Variants in NT5DC1 observed in about 807,000 individuals in gnomAD.
NT5DC1 encodes the protein 5'-nucleotidase domain containing 1.
A neutral mutation model predicts 59.4 loss-of-function variants in NT5DC1; 42 were observed. The observed-to-expected ratio is 0.71, with a 90% CI of 0.55 to 0.92. The LOEUF is 0.92. Ranked by LOEUF, NT5DC1 falls within the 40% of genes least tolerant of loss-of-function variation. The pLI is 0.00. For missense variants in NT5DC1, 501 were observed against 537.1 expected (o/e 0.93, Z 0.66); for synonymous variants, 172 against 188.1 (o/e 0.91, Z 0.70).
intron 6 of NT5DC1, among the ~76,000 whole-genome samples, chr6:116,146,098 T>A (rs1001304286): frequency 1.3e-5 from 2 of 152,224 alleles, no homozygotes; most frequent in Admixed American, 6.5e-5. Context: ...GCCTGACTTG[T>A]TGATTATGGT....
At chr6:116,122,612 G>A (rs892331507) in intron 6 of NT5DC1, among the ~76,000 whole-genome samples, 3 of 152,314 alleles carry the variant, frequency 2.0e-5, no homozygotes, top group South Asian at 2.1e-4. Flanking sequence ...ATTTCATAGA[G>A]CTGTGAGTTC....
At chr6:116,241,163 A>G (rs1771708026) in intron 11 of NT5DC1, among the ~76,000 whole-genome samples, 1 of 152,002 alleles carries the variant, frequency 6.6e-6, no homozygotes, top group East Asian at 1.9e-4. Context: ...AAAAAAAGTA[A>G]AATATTTTTA....
intron 6 of NT5DC1, among the ~76,000 whole-genome samples, chr6:116,178,974 A>C (rs922055070): frequency 6.6e-6 from 1 of 152,218 alleles, no homozygotes; most frequent in South Asian, 2.1e-4. Context: ...GTAGAAAGAA[A>C]AGATTATTCT....
At chr6:116,154,026 T>TCCG (rs1780118677) in intron 6 of NT5DC1, among the ~76,000 whole-genome samples, 1 of 147,710 alleles carries the variant, frequency 6.8e-6, no homozygotes, top group African/African-American at 2.5e-5. Context: ...AAAGGGAAGA[T>TCCG]TTCTTTTTTT....
At chr6:116,111,042 C>A (rs764684776) in intron 4 of NT5DC1, 86 bp downstream of exon 4, 60 of 883,586 alleles carry the variant, frequency 6.8e-5, no homozygotes, top group Non-Finnish European at 9.1e-5. Context: ...AGAAGACCCC[C>A]CTTTCCCCTG....
At chr6:116,135,890 T>G in intron 6 of NT5DC1, among the ~76,000 whole-genome samples, 1 of 141,184 alleles carries the variant, frequency 7.1e-6, no homozygotes, top group Admixed American at 7.1e-5. Flanking sequence ...TACACACACA[T>G]TGCTAAATGG....
At chr6:116,187,175 G>A (rs1781019036) in intron 6 of NT5DC1, among the ~76,000 whole-genome samples, 1 of 152,024 alleles carries the variant, frequency 6.6e-6, no homozygotes, top group African/African-American at 2.4e-5. Context: ...CTTTGATCTG[G>A]TACTGGGAAG....
At chr6:116,114,175 A>G (rs1017258058) in intron 4 of NT5DC1, among the ~76,000 whole-genome samples, 3 of 152,224 alleles carry the variant, frequency 2.0e-5, no homozygotes, top group East Asian at 1.9e-4. Flanking sequence ...GGAAGACTAT[A>G]TCAACCAAAA....
intron 8 of NT5DC1, among the ~76,000 whole-genome samples, chr6:116,233,665 G>T (rs1479087852): frequency 2.0e-5 from 3 of 152,138 alleles, no homozygotes; most frequent in Non-Finnish European, 4.4e-5. Context: ...GTGCATTCTT[G>T]TCCTGGCTCT....
intron 6 of NT5DC1, among the ~76,000 whole-genome samples, chr6:116,160,284 A>C (rs1162304709): frequency 6.6e-6 from 1 of 151,880 alleles, no homozygotes; most frequent in African/African-American, 2.4e-5. Flanking sequence ...TCTGTTATCT[A>C]TTGGCTTTTT....
At chr6:116,206,612 C>T (rs1781457247) in intron 6 of NT5DC1, among the ~76,000 whole-genome samples, 1 of 152,014 alleles carries the variant, frequency 6.6e-6, no homozygotes, top group African/African-American at 2.4e-5. Context: ...ACAGCAACAG[C>T]TGTTTCTTAA....
At chr6:116,212,779 A>G (rs1268937915) in intron 6 of NT5DC1, among the ~76,000 whole-genome samples, 1 of 152,112 alleles carries the variant, frequency 6.6e-6, no homozygotes, top group Non-Finnish European at 1.5e-5. Flanking sequence ...TATTATTTTC[A>G]GTTTCTAAGC....
chr6:116,112,760 G>A (rs965344881), intron 4 of NT5DC1, among the ~76,000 whole-genome samples: 1 of 152,178 alleles, frequency 6.6e-6, no homozygotes, highest in South Asian at 2.1e-4. Flanking sequence ...CATATATCTA[G>A]GATAAACTCC....
intron 3 of NT5DC1, 68 bp from the exon 4 acceptor site, chr6:116,110,782 C>A: frequency 8.9e-7 from 1 of 1,120,024 alleles, no homozygotes; most frequent in South Asian, 1.2e-5. Flanking sequence ...GATCAACAGT[C>A]ACAATGATAG....
intron 3 of NT5DC1, among the ~76,000 whole-genome samples, chr6:116,108,807 A>G (rs1778812342): frequency 6.6e-6 from 1 of 152,216 alleles, no homozygotes; most frequent in African/African-American, 2.4e-5. Flanking sequence ...TAAGAAAGAA[A>G]GAATGGGTAT....
At chr6:116,154,823 G>T (rs539840822) in intron 6 of NT5DC1, among the ~76,000 whole-genome samples, 1 of 152,108 alleles carries the variant, frequency 6.6e-6, no homozygotes, top group Non-Finnish European at 1.5e-5. Flanking sequence ...GAGGCATCTT[G>T]TTACTTTCTT....
At chr6:116,129,373 A>G (rs909195531) in intron 6 of NT5DC1, among the ~76,000 whole-genome samples, 4 of 152,184 alleles carry the variant, frequency 2.6e-5, no homozygotes, top group Non-Finnish European at 5.9e-5. Flanking sequence ...CCCAAAGTTC[A>G]TGTGTTGGAA....
At chr6:116,217,396 G>C (rs1295305357) in intron 6 of NT5DC1, among the ~76,000 whole-genome samples, 3 of 152,218 alleles carry the variant, frequency 2.0e-5, no homozygotes, top group East Asian at 1.9e-4. Context: ...AGCATCAAAG[G>C]ATATAAGAGT....
chr6:116,209,575 T>C (rs1325252932), intron 6 of NT5DC1, among the ~76,000 whole-genome samples: 2 of 151,956 alleles, frequency 1.3e-5, no homozygotes, highest in African/African-American at 4.8e-5. Context: ...TGGGGAGGGC[T>C]CCTCATAGAA....
Sources: allele counts gnomAD v4.1 joint callset (sites outside exome capture counted in the v4.1 genomes callset), GRCh38; gene constraint gnomAD v4.1.1; transcripts MANE v1.5; gene names NCBI Gene and HGNC (gene_info 2026-07-23, HGNC 2026-07-21).